The following TCF12 variants were observed in gnomAD, a reference collection of about 807,000 sequenced individuals.
TCF12 encodes DNA-binding protein HTF4.
In TCF12, 45 loss-of-function variants were observed where a neutral mutation model predicts 86.0. The ratio of observed to expected loss-of-function variants is 0.52; its 90% CI spans 0.41 to 0.67. The LOEUF (loss-of-function observed/expected upper bound fraction) is 0.67, where lower values mean the gene tolerates loss of function less well. Among genes scored for constraint, TCF12 ranks in the 30% least tolerant of loss-of-function variants. TCF12 has a pLI of 0.00. For synonymous variants in TCF12, 330 were observed against 299.6 expected (o/e 1.10, Z -1.05); for missense variants, 881 against 859.9 (o/e 1.02, Z -0.31).
chr15:57,216,792 A>T (rs1339476702), intron 8 of TCF12, among the ~76,000 whole-genome samples: 1 of 152,106 alleles, frequency 6.6e-6, no homozygotes, highest in African/African-American at 2.4e-5. Flanking sequence ...CATCTACATC[A>T]AACAGTTTTA....
intron 16 of TCF12, among the ~76,000 whole-genome samples, chr15:57,254,873 A>G (rs947465083): frequency 6.9e-6 from 1 of 145,586 alleles, no homozygotes; most frequent in Non-Finnish European, 1.5e-5. Flanking sequence ...AAAAAAAAAA[A>G]AAAAGAAAGA....
intron 3 of TCF12, among the ~76,000 whole-genome samples, chr15:57,056,042 A>G (rs1328339490): frequency 6.7e-6 from 1 of 150,266 alleles, no homozygotes; most frequent in Non-Finnish European, 1.5e-5. Context: ...ACTTACTGTT[A>G]CCCCTGTTAT....
chr15:57,038,920 C>T (rs2066700183), intron 3 of TCF12, among the ~76,000 whole-genome samples: 1 of 152,060 alleles, frequency 6.6e-6, no homozygotes, highest in South Asian at 2.1e-4. Context: ...GCTGAGGGGA[C>T]ACGGGATAGA....
At chr15:56,982,986 T>C (rs2062968879) in intron 3 of TCF12, among the ~76,000 whole-genome samples, 1 of 152,170 alleles carries the variant, frequency 6.6e-6, no homozygotes, top group Non-Finnish European at 1.5e-5. Flanking sequence ...AAAATGGTCA[T>C]ATTGAGGGAC....
intron 5 of TCF12, among the ~76,000 whole-genome samples, chr15:57,143,383 G>C (rs1268207703): frequency 6.6e-6 from 1 of 152,098 alleles, no homozygotes; most frequent in Non-Finnish European, 1.5e-5. Flanking sequence ...CATCGTGTCT[G>C]CTGCTTATTC....
At chr15:57,083,566 A>G (rs1026531777) in intron 4 of TCF12, among the ~76,000 whole-genome samples, 3 of 152,164 alleles carry the variant, frequency 2.0e-5, no homozygotes, top group Non-Finnish European at 2.9e-5. Context: ...CTTTCTATAA[A>G]CTTTATTTAT....
intron 3 of TCF12, among the ~76,000 whole-genome samples, chr15:57,054,774 T>A (rs2067875429): frequency 4.7e-5 from 1 of 21,124 alleles, no homozygotes; most frequent in African/African-American, 1.2e-4. Flanking sequence ...ATGCCTCTGC[T>A]TTTTTTTTTT....
chr15:56,964,045 C>T (rs2061892739), intron 3 of TCF12, among the ~76,000 whole-genome samples: 1 of 152,152 alleles, frequency 6.6e-6, no homozygotes, highest in African/African-American at 2.4e-5. Flanking sequence ...AACTTGAGGT[C>T]AAATATATTT....
downstream of TCF12, among the ~76,000 whole-genome samples, chr15:57,290,067 G>A (rs1272571005): frequency 4.6e-5 from 7 of 151,394 alleles, no homozygotes; most frequent in Admixed American, 2.0e-4. Context: ...GAGTCTGGCT[G>A]GGCGTGGTGG....
intron 19 of TCF12, among the ~76,000 whole-genome samples, chr15:57,274,437 T>C (rs1430666224): frequency 6.6e-6 from 1 of 152,330 alleles, no homozygotes; most frequent in East Asian, 1.9e-4. Context: ...CCTTGAAATA[T>C]CTGTGGAGTA....
chr15:57,003,079 C>T (rs1567233624), intron 3 of TCF12, among the ~76,000 whole-genome samples: 1 of 152,178 alleles, frequency 6.6e-6, no homozygotes, highest in Admixed American at 6.5e-5. Flanking sequence ...TATGAGAAAT[C>T]TAACCAACAT....
At chr15:57,193,926 T>C (rs2057115696) in intron 7 of TCF12, among the ~76,000 whole-genome samples, 1 of 152,182 alleles carries the variant, frequency 6.6e-6, no homozygotes, top group African/African-American at 2.4e-5. Flanking sequence ...AAAGGATAAA[T>C]TGTAAATGCA....
chr15:57,204,755 T>C (rs1157707966), intron 8 of TCF12, among the ~76,000 whole-genome samples: 1 of 141,170 alleles, frequency 7.1e-6, no homozygotes, highest in Non-Finnish European at 1.5e-5. Context: ...GTGTCTAAAC[T>C]GAAGATTTTT....
At position 56,962,696 on chromosome 15, in the gene TCF12, A is replaced by G. The variant is rs139047068; in HGVS notation, c.148+41598A>G. Among the ~76,000 whole-genome samples, 213 of 152,324 alleles carry G rather than the reference A, an allele frequency of 1.4e-3. 5 individuals carry two copies. The East Asian group carries it at 0.026, about 19-fold the overall frequency. ...CATTGAACAGAAAGAAAAGGTTGTT[A>G]CTAGATCATCTCTTAAGTTACTTTC... On this transcript the variant is annotated intron_variant, in intron 3 of 20. Transcript: ENST00000333725.
chr15:56,991,486 G>C (rs768933615), intron 3 of TCF12, among the ~76,000 whole-genome samples: 4 of 152,150 alleles, frequency 2.6e-5, no homozygotes, highest in African/African-American at 9.7e-5. Flanking sequence ...AATTTACTCA[G>C]TTCAGAAAAT....
At chr15:57,076,606 TCG>T in intron 4 of TCF12, among the ~76,000 whole-genome samples, 1 of 149,396 alleles carries the variant, frequency 6.7e-6, no homozygotes, top group East Asian at 2.0e-4. Flanking sequence ...TGAGCCGAGA[TCG>T]CGCCACTGCA....
chr15:57,117,836 A>G (rs1356272582), intron 5 of TCF12, among the ~76,000 whole-genome samples: 1 of 152,206 alleles, frequency 6.6e-6, no homozygotes, highest in African/African-American at 2.4e-5. Context: ...GGTTTTATAG[A>G]CTATAAACAT....
At chr15:57,088,596 C>T (rs535019949) in intron 4 of TCF12, among the ~76,000 whole-genome samples, 1 of 151,154 alleles carries the variant, frequency 6.6e-6, no homozygotes, top group South Asian at 2.1e-4. Flanking sequence ...GGGTGCCTGG[C>T]TGTCACCTTT....
intron 3 of TCF12, among the ~76,000 whole-genome samples, chr15:56,935,273 A>G (rs1196196941): frequency 6.6e-6 from 1 of 151,906 alleles, no homozygotes; most frequent in Non-Finnish European, 1.5e-5. Context: ...AATACCATAG[A>G]TTTGGTGGCT....
Sources: gnomAD v4.1 joint callset for allele counts (sites outside exome capture counted in the v4.1 genomes callset) on GRCh38, gnomAD v4.1.1 for gene constraint, MANE v1.5 for transcripts, NCBI Gene and HGNC (gene_info 2026-07-23, HGNC 2026-07-21) for gene names.